The following CPAP variants were observed in gnomAD, a reference collection of about 807,000 sequenced individuals.
CPAP encodes centrosomal P4.1-associated protein.
the CPAP span, among the ~76,000 whole-genome samples, chr13:24,896,390 G>A: frequency 6.6e-6 from 1 of 152,222 alleles, no homozygotes; most frequent in African/African-American, 2.4e-5. Flanking sequence ...AGTCCTGCAT[G>A]GTGCAGTGTG....
the CPAP span, chr13:24,905,803 C>A: frequency 6.2e-7 from 1 of 1,614,164 alleles, no homozygotes; most frequent in Non-Finnish European, 8.5e-7. Context: ...CTTCTTGGGT[C>A]CTGGTGTCCT....
chr13:24,886,361 G>C, the CPAP span: 1 of 1,289,176 alleles, frequency 7.8e-7, no homozygotes, highest in Non-Finnish European at 1.0e-6. Context: ...CAAGCTGCTG[G>C]GCGTGTGAGG....
chr13:24,889,450 A>G, the CPAP span: 1 of 1,225,776 alleles, frequency 8.2e-7, no homozygotes, highest in African/African-American at 1.5e-5. Context: ...TAGTCTATTA[A>G]TACACTAAGT....
At chr13:24,921,212 C>T in the CPAP span, among the ~76,000 whole-genome samples, 1 of 152,190 alleles carries the variant, frequency 6.6e-6, no homozygotes, top group Non-Finnish European at 1.5e-5. Context: ...AGGTAACTTG[C>T]TGCAATTGTA....
chr13:24,926,143 C>T, the CPAP span, among the ~76,000 whole-genome samples: 1 of 152,134 alleles, frequency 6.6e-6, no homozygotes, highest in Non-Finnish European at 1.5e-5. Context: ...AGGAATGCTG[C>T]AACAGATCAC....
the CPAP span, chr13:24,899,457 T>G: frequency 6.2e-7 from 1 of 1,613,860 alleles, no homozygotes; most frequent in Admixed American, 1.7e-5. Flanking sequence ...GGAAAAGTTC[T>G]TGCAGCTGTA....
At chr13:24,933,072 G>C in the CPAP span, 3 of 1,591,736 alleles carry the variant, frequency 1.9e-6, no homozygotes, top group Non-Finnish European at 1.7e-6. Context: ...GGCAGCAGAA[G>C]AAAAAGCTAC....
the CPAP span, chr13:24,906,105 G>T: frequency 6.2e-7 from 1 of 1,612,656 alleles, no homozygotes. Flanking sequence ...TCCTTCTCAC[G>T]TGCAGTGTGG....
At chr13:24,899,504 T>G in the CPAP span, 2 of 1,613,458 alleles carry the variant, frequency 1.2e-6, no homozygotes. Context: ...CTTTTGTAGC[T>G]TCCTCATCTC....
chr13:24,923,987 C>T, the CPAP span, among the ~76,000 whole-genome samples: 5 of 152,234 alleles, frequency 3.3e-5, no homozygotes, highest in South Asian at 1.0e-3. Flanking sequence ...CGCCACCACG[C>T]CTGGCTAATT....
At chr13:24,889,689 A>G in the CPAP span, among the ~76,000 whole-genome samples, 6 of 152,160 alleles carry the variant, frequency 3.9e-5, no homozygotes. Flanking sequence ...GAGGAGGAGC[A>G]CACAGGCCCT....
At chr13:24,928,903 G>A in the CPAP span, among the ~76,000 whole-genome samples, 1 of 152,204 alleles carries the variant, frequency 6.6e-6, no homozygotes, top group African/African-American at 2.4e-5. Flanking sequence ...TAGAATGCCT[G>A]ACCAATGATG....
chr13:24,924,242 C>A, the CPAP span, among the ~76,000 whole-genome samples: 1 of 152,170 alleles, frequency 6.6e-6, no homozygotes, highest in African/African-American at 2.4e-5. Context: ...TCTTCCTTTT[C>A]ATTTATGATA....
At chr13:24,894,105 G>A in the CPAP span, among the ~76,000 whole-genome samples, 32 of 152,248 alleles carry the variant, frequency 2.1e-4, no homozygotes, top group African/African-American at 6.5e-4. Context: ...AGGGACCAGC[G>A]CAGATGACAA....
At chr13:24,933,406 A>G in the CPAP span, 1 of 269,550 alleles carries the variant, frequency 3.7e-6, no homozygotes, top group Non-Finnish European at 7.1e-6. Flanking sequence ...CCAAATATGA[A>G]AATAGAATTT....
chr13:24,933,916 G>T, the CPAP span, among the ~76,000 whole-genome samples: 1 of 151,818 alleles, frequency 6.6e-6, no homozygotes, highest in East Asian at 1.9e-4. Flanking sequence ...GTAGAGACAG[G>T]ATTTTTGCCA....
the CPAP span, chr13:24,912,192 C>T: frequency 1.1e-6 from 1 of 899,612 alleles, no homozygotes; most frequent in Admixed American, 2.1e-5. Context: ...TAGACAGGGA[C>T]CCCTAGGTAA....
chr13:24,891,586 C>A, the CPAP span, among the ~76,000 whole-genome samples: 4 of 152,056 alleles, frequency 2.6e-5, no homozygotes, highest in Non-Finnish European at 5.9e-5. Context: ...CACAGCTCAA[C>A]AACAAACACA....
At chr13:24,912,134 C>G in the CPAP span, 2 of 1,471,212 alleles carry the variant, frequency 1.4e-6, no homozygotes, top group African/African-American at 1.4e-5. Flanking sequence ...ACCTCGTTCC[C>G]TTAATTCCTC....
Sources: allele counts gnomAD v4.1 joint callset (sites outside exome capture counted in the v4.1 genomes callset), GRCh38; gene constraint gnomAD v4.1.1; transcripts MANE v1.5; gene names NCBI Gene and HGNC (gene_info 2026-07-23, HGNC 2026-07-21).